TPT1: variants seen among roughly 807,000 people sequenced by gnomAD.
TPT1 encodes tumor protein, translationally-controlled 1.
TPT1 carries 5 observed loss-of-function variants against 22.8 expected under a neutral mutation model. The ratio of observed to expected loss-of-function variants is 0.22; its 90% CI spans 0.11 to 0.46. The LOEUF (loss-of-function observed/expected upper bound fraction) is 0.46. Ranked by LOEUF, TPT1 falls within the 20% of genes least tolerant of loss-of-function variation. The probability of loss-of-function intolerance (pLI) is 0.99; values close to 1 mark genes in which losing one functional copy is unlikely to be tolerated. For missense variants in TPT1, 130 were observed against 218.7 expected (o/e 0.59, Z 2.56); for synonymous variants, 89 against 73.6 (o/e 1.21, Z -1.07).
chr13:45,337,496 T>G, intron 5 of TPT1, 108 bp from the exon 6 acceptor site: 1 of 1,614,066 alleles, frequency 6.2e-7, no homozygotes. Context: ...ATTCCCCAAT[T>G]CAATCTGGGC....
chr13:45,340,865 CG>C, intron 1 of TPT1, 80 bp from the exon 2 acceptor site: 1 of 1,457,616 alleles, frequency 6.9e-7, no homozygotes, highest in Non-Finnish European at 9.1e-7. Context: ...CGGCCGCACG[CG>C]GGATCTGCCC....
rs959115790 is a variant in TPT1, at chr13:45,336,392, T to A, written c.*994A>T. On this transcript the variant is annotated 3_prime_UTR_variant, in exon 6 of 6. Transcript: ENST00000530705. The stretch of plus-strand genomic sequence containing the variant: ...CAAGGACATGTTCTTCTTGCATCTG[T>A]GGTGGAAACCATAGCAGCAGATAGC... 2.6e-5 allele frequency: 4 copies of A among 152,244 alleles called. No individual in the cohort carries two copies. The highest frequency in any genetic ancestry group is 5.9e-5 in the Non-Finnish European group (4 of 68,060). The allele number at this position is 152,244 out of a possible 1,614,324, so 9.4% of individuals were successfully genotyped here. A position where few individuals can be genotyped will look rare whatever the true frequency, so the allele number is the denominator to read the frequency against.
chr13:45,340,239 C>A, intron 2 of TPT1, 55 bp from the exon 3 acceptor site: 1 of 1,557,364 alleles, frequency 6.4e-7, no homozygotes, highest in Non-Finnish European at 8.8e-7. Context: ...TCCAAAGCAC[C>A]TTCCACGCCA....
Position 45,335,816 on chromosome 13 carries a change from A to C in TPT1, c.*1570T>G, listed in dbSNP as rs888907454. On this transcript the variant is annotated 3_prime_UTR_variant, in exon 6 of 6. Coordinates refer to ENST00000530705, the MANE Select transcript of TPT1 (RefSeq NM_003295.4). The stretch of plus-strand genomic sequence containing the variant: ...CCAATACGTATTTAGGTTTGTTTCC[A>C]ATCACGGGGTGCTGGGGGTTAACAT... The C allele has an allele frequency of 2.0e-5, 3 of 152,182 alleles. No individual in the cohort carries two copies. Among genetic ancestry groups the C allele is most frequent in the Admixed American group, 1.3e-4 (2 of 15,280 alleles). 9.4% of individuals were successfully genotyped at this position (152,182 alleles called of 1,614,324 possible). A position where few individuals can be genotyped will look rare whatever the true frequency, so the allele number is the denominator to read the frequency against.
In TPT1 at chr13:45,340,727, C is replaced by G. The variant is rs1398732467; in HGVS notation, c.87G>C (p.Leu29=). The change falls in exon 2 of 6, where the codon CTG becomes CTC. Residue 29 remains leucine (L), a synonymous_variant. Transcript: ENST00000530705. ...KIREIADGLC[L]EVEGKMVSRT... is the part of the protein sequence containing the mutation. Reference sequence around the variant, plus strand: ...ACCGACTCACCTTCCCCTCCACCTCCAGGCACAACCCGTCCGCGATCTCCC... The same window carrying G: ...ACCGACTCACCTTCCCCTCCACCTCGAGGCACAACCCGTCCGCGATCTCCC... 6.5e-7 allele frequency: 1 copy of G among 1,528,004 alleles called. No individual in the cohort carries two copies. 94.7% of individuals were successfully genotyped at this position (1,528,004 alleles called of 1,614,324 possible).
chr13:45,338,853 A>AG, intron 4 of TPT1, 77 bp from the exon 5 acceptor site: 1 of 1,280,548 alleles, frequency 7.8e-7, no homozygotes, highest in Non-Finnish European at 1.1e-6. Flanking sequence ...CTACAGTACA[A>AG]GGGAAGGTTT....
At chr13:45,337,642 T>C in intron 5 of TPT1, 2 of 1,408,336 alleles carry the variant, frequency 1.4e-6, no homozygotes, top group Non-Finnish European at 2.0e-6. Context: ...TAGCTCATTT[T>C]TCAGAAGGCT....
chr13:45,339,768 T>C (rs1878957867), intron 3 of TPT1, 166 bp from the exon 4 acceptor site: 1 of 759,244 alleles, frequency 1.3e-6, no homozygotes, highest in Non-Finnish European at 2.1e-6. Flanking sequence ...TTTACATTTC[T>C]TGTTGACTAT....
At chr13:45,339,789 C>T in intron 3 of TPT1, 187 bp from the exon 4 acceptor site, 2 of 751,052 alleles carry the variant, frequency 2.7e-6, no homozygotes, top group South Asian at 3.9e-5. Flanking sequence ...TTTCAAAATA[C>T]TATTCTAATT....
At position 45,340,712 on chromosome 13, in the gene TPT1, C is replaced by G. The variant is rs1879052629; in HGVS notation, c.102G>C (p.Lys34Asn). The G allele has an allele frequency of 6.5e-7, 1 of 1,539,690 alleles. No homozygotes were observed. Among genetic ancestry groups the G allele is most frequent in the Admixed American group, 2.1e-5 (1 of 47,780 alleles). ...ADGLCLEVEG[K>N]MVSRTEGNID... ...CCACGCGCAGGCCCGACCGACTCACCTTCCCCTCCACCTCCAGGCACAACC... is the reference window on the plus strand; with the variant it reads ...CCACGCGCAGGCCCGACCGACTCACGTTCCCCTCCACCTCCAGGCACAACC... Residue 34 changes from lysine to asparagine, a missense_variant and splice_region_variant, in exon 2 of 6, where the codon AAG becomes AAC. Lys to Asn is a moderately conservative substitution (Grantham distance 94). Transcript: ENST00000530705.
chr13:45,337,671 A>C, intron 5 of TPT1: 3 of 986,136 alleles, frequency 3.0e-6, no homozygotes, highest in Non-Finnish European at 4.7e-6. Context: ...TACCACCCAC[A>C]CCCTGCTCTA....
At chr13:45,340,369 TGGCCGG>T in intron 2 of TPT1, 185 bp from the exon 3 acceptor site, 1 of 917,600 alleles carries the variant, frequency 1.1e-6, no homozygotes, top group Middle Eastern at 2.1e-4. Flanking sequence ...AGTTGTCTGT[TGGCCGG>T]AACAAAAAAT....
chr13:45,339,457 A>C (rs1294593341), intron 4 of TPT1, 40 bp downstream of exon 4: 2 of 1,565,952 alleles, frequency 1.3e-6, no homozygotes, highest in Non-Finnish European at 1.7e-6. Context: ...TTGCAGTTAA[A>C]ATTGTACAAT....
In TPT1 at chr13:45,333,510, G is replaced by A. The variant is rs541273712; in HGVS notation, c.*3876C>T. The A allele has an allele frequency of 7.9e-5, 12 of 152,188 alleles. No individual in the cohort carries two copies. The highest frequency in any genetic ancestry group is 1.9e-4 in the East Asian group (1 of 5,190). The allele number at this position is 152,188 out of a possible 1,614,324, so 9.4% of individuals were successfully genotyped here. ...TCAAGTTGGTTGAGATTTATTGCTC[G>A]TCTTGCAATTTTACCATAATTATCA... On this transcript the variant is annotated 3_prime_UTR_variant, in exon 6 of 6. Transcript: ENST00000530705.
chr13:45,341,093 GA>G lies in TPT1; in HGVS notation c.-25del. The G allele has an allele frequency of 6.2e-7, 1 of 1,612,444 alleles. No individual in the cohort carries two copies. The highest frequency in any genetic ancestry group is 8.5e-7 in the Non-Finnish European group (1 of 1,179,186). On this transcript the variant is annotated 5_prime_UTR_variant, in exon 1 of 6. Coordinates refer to ENST00000530705, the MANE Select transcript of TPT1 (RefSeq NM_003295.4). ...ATGATGGCGACTGAAGGGAGACGACGACGGCGCTAGCTTAGCACGAGCCTGA... is the reference window on the plus strand; with the variant it reads ...ATGATGGCGACTGAAGGGAGACGACGCGGCGCTAGCTTAGCACGAGCCTGA...
In TPT1 at chr13:45,339,606, AAAC is replaced by A; in HGVS notation, c.294-7_294-5del. On this transcript the variant is annotated splice_region_variant and splice_polypyrimidine_tract_variant and intron_variant, in intron 3 of 5. Transcript: ENST00000530705. ...TTCTTCAAGTTTCCCTTTGATTCTA[AAAC>A]AACATTTCATTAACAGGTTGAAGTA... is the stretch of plus-strand genomic sequence containing the variant. 4 of 1,607,664 alleles carry A rather than the reference AAAC, an allele frequency of 2.5e-6. No individual in the cohort carries two copies. The highest frequency in any genetic ancestry group is 2.2e-5 in the East Asian group (1 of 44,804).
Position 45,333,579 on chromosome 13 carries a change from A to G in TPT1, c.*3807T>C, listed in dbSNP as rs919211229. On this transcript the variant is annotated 3_prime_UTR_variant, in exon 6 of 6. Transcript: ENST00000530705. ...AAGTTACTGACAATCCCTGCAGTTC[A>G]GAATGACAGAATTTACATCAACAAA... The G allele has an allele frequency of 1.1e-4, 16 of 152,246 alleles. No individual in the cohort carries two copies. Among genetic ancestry groups the G allele is most frequent in the Admixed American group, 3.9e-4 (6 of 15,284 alleles). The allele number at this position is 152,246 out of a possible 1,614,324, so 9.4% of individuals were successfully genotyped here. A position where few individuals can be genotyped will look rare whatever the true frequency, so the allele number is the denominator to read the frequency against.
At chr13:45,340,629 T>A (rs563041273) in intron 2 of TPT1, 83 bp downstream of exon 2, 1 of 1,465,770 alleles carries the variant, frequency 6.8e-7, no homozygotes, top group African/African-American at 1.4e-5. Context: ...GCGGGGAGGA[T>A]TGCACAACCT....
Position 45,334,112 on chromosome 13 carries a change from A to G in TPT1, c.*3274T>C, listed in dbSNP as rs1878532653. On this transcript the variant is annotated 3_prime_UTR_variant, in exon 6 of 6. Transcript: ENST00000530705. ...CCAATTAATTTTTTTAGGTCTCCCT[A>G]TGTTGCCCAGGCTGGTCTCAAACTC... The G allele has an allele frequency of 6.6e-6, 1 of 151,990 alleles. No homozygotes were observed. Among genetic ancestry groups the G allele is most frequent in the African/African-American group, 2.4e-5 (1 of 41,282 alleles). The allele number at this position is 151,990 out of a possible 1,614,324, so 9.4% of individuals were successfully genotyped here.
Sources: allele counts gnomAD v4.1 joint callset, GRCh38; gene constraint gnomAD v4.1.1; transcripts MANE v1.5; gene names NCBI Gene and HGNC (gene_info 2026-07-23, HGNC 2026-07-21).